CREBBP: variants seen among roughly 807,000 people sequenced by gnomAD.
The protein encoded by CREBBP is CREB-binding protein.
Under a neutral mutation model 265.0 loss-of-function variants are expected in CREBBP, and 19 were observed. The observed-to-expected ratio is 0.07, with a 90% CI of 0.05 to 0.11. The LOEUF is 0.11. Among genes scored for constraint, CREBBP ranks in the 10% least tolerant of loss-of-function variants. The pLI is 1.00. For missense variants in CREBBP, 2,525 were observed against 3,219.0 expected, an observed-to-expected ratio of 0.78 and a Z score of 5.22; for synonymous variants, 1,457 against 1,223.7, an observed-to-expected ratio of 1.19 and a Z score of -3.98.
At position 3,727,476 on chromosome 16, in the gene CREBBP, GAAA is replaced by G. The variant is rs1246216543; in HGVS notation, c.*239_*241del. ...CCTCCCCCCAAACAAAAACAAAACG[GAAA>G]AAAAAGAACCCCCCCCACCCCCCCG... is the stretch of plus-strand genomic sequence containing the variant. On this transcript the variant is annotated 3_prime_UTR_variant, in exon 31 of 31. Transcript: ENST00000262367. 1 of 126,532 alleles carries G rather than the reference GAAA, an allele frequency of 7.9e-6. No individual in the cohort carries two copies. Among genetic ancestry groups the G allele is most frequent in the Non-Finnish European group, 1.4e-5 (1 of 71,286 alleles). 7.8% of individuals were successfully genotyped at this position (126,532 alleles called of 1,614,324 possible). A position where few individuals can be genotyped will look rare whatever the true frequency, so the allele number is the denominator to read the frequency against.
At chr16:3,812,181 T>A (rs556288302) in intron 2 of CREBBP, among the ~76,000 whole-genome samples, 4 of 152,048 alleles carry the variant, frequency 2.6e-5, no homozygotes, top group Non-Finnish European at 4.4e-5. Context: ...AAAATTTATG[T>A]ATTTATTTAT....
intron 14 of CREBBP, among the ~76,000 whole-genome samples, chr16:3,770,122 A>G (rs1347542026): frequency 6.6e-6 from 1 of 152,184 alleles, no homozygotes; most frequent in Non-Finnish European, 1.5e-5. Context: ...CGCCTGCCTC[A>G]GCCTCCCAAA....
intron 19 of CREBBP, among the ~76,000 whole-genome samples, chr16:3,752,785 C>T (rs1296548091): frequency 2.6e-5 from 4 of 152,184 alleles, no homozygotes; most frequent in Non-Finnish European, 5.9e-5. Context: ...TAGAGTTAAT[C>T]TTTAAAGAAC....
chr16:3,797,004 C>T (rs534689294), intron 3 of CREBBP, among the ~76,000 whole-genome samples: 120 of 152,230 alleles, frequency 7.9e-4, no homozygotes, highest in Non-Finnish European at 7.4e-4. Context: ...ACTTAATTTC[C>T]TCCTCTCCCA....
At chr16:3,735,652 AG>A (rs1175525434) in intron 28 of CREBBP, among the ~76,000 whole-genome samples, 1 of 152,146 alleles carries the variant, frequency 6.6e-6, no homozygotes, top group African/African-American at 2.4e-5. Flanking sequence ...GGCAGCGCCA[AG>A]GAGAGAGGGC....
chr16:3,875,035 C>T (rs1292843712), intron 1 of CREBBP, among the ~76,000 whole-genome samples: 1 of 152,152 alleles, frequency 6.6e-6, no homozygotes, highest in Non-Finnish European at 1.5e-5. Context: ...ATTATGGACC[C>T]CCCAGGTAAT....
chr16:3,747,729 G>A (rs1157694306), intron 21 of CREBBP, among the ~76,000 whole-genome samples: 1 of 152,118 alleles, frequency 6.6e-6, no homozygotes, highest in African/African-American at 2.4e-5. Context: ...TTGGGAGGCC[G>A]AGGTGGGTGG....
rs576243332 is a variant in CREBBP, at chr16:3,751,718, G to T, written c.3779+8C>A. The T allele has an allele frequency of 3.1e-6, 5 of 1,613,746 alleles. No homozygotes were observed. The highest frequency in any genetic ancestry group is 1.7e-5 in the Admixed American group (1 of 59,998). On this transcript the variant is annotated splice_region_variant and intron_variant, in intron 20 of 30. Coordinates refer to ENST00000262367, the MANE Select transcript of CREBBP (RefSeq NM_004380.3). ...TCACCCCAGAGAAAATGACAGGACG[G>T]TACTTACGTCTGGGGCTGTGAAGGG...
chr16:3,758,863 G>A lies in CREBBP; in HGVS notation c.3360C>T (p.Leu1120=), dbSNP rs768303728. The change falls in exon 17 of 31, where the codon CTC becomes CTT. Residue 1120 remains leucine (L), a synonymous_variant. Transcript: ENST00000262367. ...PFRQPVDPQL[L]GIPDYFDIVK... The stretch of plus-strand genomic sequence containing the variant: ...TTATGAATTAACTTACTGGAATTCC[G>A]AGGAGCTGGGGATCTACAGGCTGCC... 45 of 1,610,480 alleles carry A rather than the reference G, an allele frequency of 2.8e-5. No homozygotes were observed. The South Asian group carries it at 4.1e-4, about 15-fold the overall frequency.
At position 3,781,283 on chromosome 16, in the gene CREBBP, C is replaced by G. The variant is rs2141248120; in HGVS notation, c.1597G>C (p.Ala533Pro). The change falls in exon 7 of 31, where the codon GCA becomes CCA. Residue 533 changes from alanine (A) to proline (P), a missense_variant. By Grantham distance (27) the Ala-to-Pro change is conservative. Coordinates refer to ENST00000262367, the MANE Select transcript of CREBBP (RefSeq NM_004380.3). ...TGCTGATCTGTTGTTATTCCTCCTG[C>G]TGGAATGTTCATTGGATTATTTCCT... Reference protein sequence around the residue: ...PLGNNPMNIPAGGITTDQQPP... With the variant: ...PLGNNPMNIPPGGITTDQQPP... 6.2e-7 allele frequency: 1 copy of G among 1,613,756 alleles called. No homozygotes were observed. The highest frequency in any genetic ancestry group is 1.1e-5 in the South Asian group (1 of 91,070).
At chr16:3,786,273 G>A (rs1049272216) in intron 5 of CREBBP, among the ~76,000 whole-genome samples, 1 of 152,216 alleles carries the variant, frequency 6.6e-6, no homozygotes, top group South Asian at 2.1e-4. Flanking sequence ...GGCTGAGGCA[G>A]GAGAACCGCT....
chr16:3,793,638 CA>C lies in CREBBP; in HGVS notation c.976-13del, dbSNP rs749734092. On this transcript the variant is annotated splice_polypyrimidine_tract_variant and intron_variant, in intron 3 of 30. Coordinates refer to ENST00000262367, the MANE Select transcript of CREBBP (RefSeq NM_004380.3). ...GTTTGCATCTGAGACTAAAATAAAG[CA>C]AAATAATAAAAATACTTTAACCTCT... The C allele has an allele frequency of 6.2e-7, 1 of 1,611,954 alleles. No homozygotes were observed. The highest frequency in any genetic ancestry group is 8.5e-7 in the Non-Finnish European group (1 of 1,179,706).
At chr16:3,742,436 A>G (rs1356971934) in intron 23 of CREBBP, 2 of 152,236 alleles carry the variant, frequency 1.3e-5, no homozygotes, top group African/African-American at 2.4e-5. Flanking sequence ...CTAAATCTAA[A>G]AATGAACACT....
At chr16:3,802,723 G>C (rs1260980298) in intron 3 of CREBBP, among the ~76,000 whole-genome samples, 1 of 152,120 alleles carries the variant, frequency 6.6e-6, no homozygotes, top group Non-Finnish European at 1.5e-5. Context: ...AGGAAGGACA[G>C]TGTCACCCCT....
rs958995662 is a variant in CREBBP, at chr16:3,727,813, G to A, written c.7234C>T (p.Leu2412=). The A allele has an allele frequency of 1.2e-6, 2 of 1,614,080 alleles. No individual in the cohort carries two copies. The highest frequency in any genetic ancestry group is 2.7e-5 in the African/African-American group (2 of 74,932). ...AGCGCACTCCTGCTGGGGGTGTTCA[G>A]CTGGGGGAGCATTGCACTCTGTTCG... ...NPEQSAMLPQ[L]NTPSRSALSS... is the part of the protein sequence containing the mutation. Residue 2412 remains leucine (L), a synonymous_variant, in exon 31 of 31, where the codon CTG becomes TTG. Coordinates refer to ENST00000262367, the MANE Select transcript of CREBBP (RefSeq NM_004380.3).
Position 3,855,607 on chromosome 16 carries a change from G to C in CREBBP, c.86-4598C>G, listed in dbSNP as rs150762607. 1.2e-4 allele frequency among the ~76,000 whole-genome samples: 18 copies of C among 152,278 alleles called. 1 individual carries two copies. The East Asian group carries it at 3.3e-3, about 28-fold the overall frequency. On this transcript the variant is annotated intron_variant, in intron 1 of 30. Coordinates refer to ENST00000262367, the MANE Select transcript of CREBBP (RefSeq NM_004380.3). The stretch of plus-strand genomic sequence containing the variant: ...AGAATAGAGGCCAGTTGTTATTGTA[G>C]AAGGTCCTTCAATTTGGGGTACCTC...
At chr16:3,766,117 A>G (rs958058049) in intron 16 of CREBBP, among the ~76,000 whole-genome samples, 19 of 152,182 alleles carry the variant, frequency 1.2e-4, no homozygotes, top group Admixed American at 6.5e-5. Context: ...CTTAAGTGTC[A>G]ATTGAAAAAA....
chr16:3,871,534 C>T (rs1024032789), intron 1 of CREBBP, among the ~76,000 whole-genome samples: 43 of 152,344 alleles, frequency 2.8e-4, no homozygotes, highest in Non-Finnish European at 1.2e-4. Context: ...TCTATAGCTC[C>T]TGAATGTCCT....
chr16:3,849,428 T>TGTGTGTGTGTGTGTGTGTGTGTG (rs2054750684), intron 2 of CREBBP, among the ~76,000 whole-genome samples: 1 of 7,940 alleles, frequency 1.3e-4, no homozygotes, highest in African/African-American at 1.6e-4. Context: ...TGTGTGTGTG[T>TGTGTGTGTGTGTGTGTGTGTGTG]GTGTGTGTGT....
Sources: gnomAD v4.1 joint callset for allele counts (sites outside exome capture counted in the v4.1 genomes callset) on GRCh38, gnomAD v4.1.1 for gene constraint, MANE v1.5 for transcripts, NCBI Gene and HGNC (gene_info 2026-07-23, HGNC 2026-07-21) for gene names.